Variants in SLC9A4 observed in about 807,000 individuals in gnomAD.
SLC9A4 encodes sodium/hydrogen exchanger 4.
A neutral mutation model predicts 67.4 loss-of-function variants in SLC9A4; 63 were observed. That is an observed-to-expected ratio of 0.93 (90% CI 0.76 to 1.15). The LOEUF (loss-of-function observed/expected upper bound fraction) is 1.15. Ranked by LOEUF, SLC9A4 falls within the 50% of genes most tolerant of loss-of-function variation. The pLI, the probability that SLC9A4 is intolerant of heterozygous loss-of-function variation, is 0.00. For missense variants in SLC9A4, 1,089 were observed against 987.7 expected (o/e 1.10, Z -1.38); for synonymous variants, 393 against 367.2 (o/e 1.07, Z -0.80).
intron 2 of SLC9A4, among the ~76,000 whole-genome samples, chr2:102,499,401 C>G (rs17772203): frequency 0.067 from 10,177 of 152,242 alleles, 400 homozygotes; most frequent in Middle Eastern, 0.15. Flanking sequence ...TCTTTTGTTT[C>G]TGGACAATTT....
intron 9 of SLC9A4, among the ~76,000 whole-genome samples, chr2:102,522,196 C>T (rs191824232): frequency 4.6e-5 from 7 of 152,272 alleles, no homozygotes; most frequent in Admixed American, 3.3e-4. Context: ...GGGTGATTCC[C>T]GAGTAGCCTG....
intron 9 of SLC9A4, among the ~76,000 whole-genome samples, chr2:102,524,472 T>C (rs932801380): frequency 2.6e-5 from 4 of 151,858 alleles, no homozygotes; most frequent in African/African-American, 9.7e-5. Context: ...TGAAGGACTG[T>C]TTTTTTTAAA....
At chr2:102,487,160 ACTT>A (rs1684605241) in intron 2 of SLC9A4, among the ~76,000 whole-genome samples, 1 of 146,566 alleles carries the variant, frequency 6.8e-6, no homozygotes, top group South Asian at 2.1e-4. Flanking sequence ...TTCACGGTGA[ACTT>A]CTCAGCTCAC....
At position 102,532,557 on chromosome 2, in the gene SLC9A4, G is replaced by A. The variant is rs757465774; in HGVS notation, c.2266G>A (p.Glu756Lys). The A allele has an allele frequency of 6.2e-7, 1 of 1,614,080 alleles. No homozygotes were observed. The highest frequency in any genetic ancestry group is 8.5e-7 in the Non-Finnish European group (1 of 1,179,966). ...CAAACCTCTGTTTCATGCAGTGGAT[G>A]AGGAGGGTGAGTCTGGAGGGGAGAG... The part of the protein sequence containing the change: ...RPKPLFHAVD[E>K]EGESGGESEG... The change falls in exon 12 of 12, where the codon GAG becomes AAG. Residue 756 changes from glutamate to lysine, a missense_variant. Coordinates refer to ENST00000295269, the MANE Select transcript of SLC9A4 (RefSeq NM_001011552.4).
At position 102,532,850 on chromosome 2, in the gene SLC9A4, G is replaced by C. The variant is rs1042847112; in HGVS notation, c.*162G>C. 5.6e-6 allele frequency: 4 copies of C among 716,532 alleles called. No homozygotes were observed. In the African/African-American group the frequency reaches 7.1e-5, roughly 13 times the overall value. The allele number at this position is 716,532 out of a possible 1,614,324, so 44.4% of individuals were successfully genotyped here. A position where few individuals can be genotyped will look rare whatever the true frequency, so the allele number is the denominator to read the frequency against. Reference sequence around the variant, plus strand: ...GCAGGAAGATTTTTTCCAAGGACTGGGAGCAAACTTGCAGGCTCTGCCATG... The same window carrying C: ...GCAGGAAGATTTTTTCCAAGGACTGCGAGCAAACTTGCAGGCTCTGCCATG... On this transcript the variant is annotated 3_prime_UTR_variant, in exon 12 of 12. Transcript: ENST00000295269.
At chr2:102,477,323 C>A (rs1390970053) in intron 1 of SLC9A4, among the ~76,000 whole-genome samples, 5 of 152,218 alleles carry the variant, frequency 3.3e-5, no homozygotes, top group African/African-American at 1.2e-4. Context: ...TAAAATTTCT[C>A]CCATTCTGTC....
At chr2:102,527,932 G>A (rs3849365) in intron 11 of SLC9A4, among the ~76,000 whole-genome samples, 97,501 of 151,916 alleles carry the variant, frequency 0.64, 31,435 homozygotes, top group Middle Eastern at 0.72. Flanking sequence ...CTATTTGGTT[G>A]TTGATTTTCT....
At chr2:102,505,602 C>G in intron 4 of SLC9A4, 131 bp downstream of exon 4, 2 of 800,484 alleles carry the variant, frequency 2.5e-6, no homozygotes, top group Non-Finnish European at 1.9e-6. Flanking sequence ...AGACTAGGAA[C>G]CTGGTCGTGA....
chr2:102,477,906 A>G (rs1684367196), intron 1 of SLC9A4, among the ~76,000 whole-genome samples: 2 of 152,208 alleles, frequency 1.3e-5, no homozygotes, highest in Admixed American at 6.5e-5. Context: ...ACCCTTCATT[A>G]TATACTTACA....
intron 2 of SLC9A4, among the ~76,000 whole-genome samples, chr2:102,483,362 A>T (rs1289001748): frequency 6.6e-6 from 1 of 152,140 alleles, no homozygotes; most frequent in Non-Finnish European, 1.5e-5. Context: ...ATTTTGAGCT[A>T]AGGGCCTTGA....
At position 102,505,382 on chromosome 2, in the gene SLC9A4, T is replaced by A. The variant is rs141406392; in HGVS notation, c.1109T>A (p.Met370Lys). Residue 370 changes from methionine to lysine, a missense_variant, in exon 4 of 12, where the codon ATG becomes AAG. Coordinates refer to ENST00000295269, the MANE Select transcript of SLC9A4 (RefSeq NM_001011552.4). ...SVSETLIFIFMGVSTVGKNHE... is the reference protein window; with the variant it reads ...SVSETLIFIFKGVSTVGKNHE... ...AGCGAGACCTTGATCTTCATCTTCATGGGTGTGTCCACTGTGGGCAAGAAT... is the reference window on the plus strand; with the variant it reads ...AGCGAGACCTTGATCTTCATCTTCAAGGGTGTGTCCACTGTGGGCAAGAAT... The A allele has an allele frequency of 5.6e-6, 9 of 1,614,252 alleles. No homozygotes were observed. Among genetic ancestry groups the A allele is most frequent in the Admixed American group, 3.3e-5 (2 of 60,032 alleles).
intron 11 of SLC9A4, among the ~76,000 whole-genome samples, chr2:102,528,225 C>A (rs1489934056): frequency 1.3e-5 from 2 of 152,114 alleles, no homozygotes; most frequent in East Asian, 3.9e-4. Context: ...CCAGGCTAGT[C>A]TTGAACTCCT....
intron 7 of SLC9A4, 109 bp downstream of exon 7, chr2:102,512,382 C>T: frequency 2.5e-6 from 3 of 1,179,642 alleles, no homozygotes; most frequent in Admixed American, 4.1e-5. Context: ...AGATAAAGTG[C>T]TCCTGAGCCA....
chr2:102,502,440 T>C lies in SLC9A4; in HGVS notation c.721-1008T>C, dbSNP rs1558665676. Among the ~76,000 whole-genome samples the C allele has an allele frequency of 2.0e-5, 3 of 152,224 alleles. No homozygotes were observed. The Middle Eastern group carries it at 0.01, about 518-fold the overall frequency. ...CAATCAGGTAAGATACACCACATGATAGGTTAAATAAAAAATGTGAATGCA... is the reference window on the plus strand; with the variant it reads ...CAATCAGGTAAGATACACCACATGACAGGTTAAATAAAAAATGTGAATGCA... On this transcript the variant is annotated intron_variant, in intron 2 of 11. Transcript: ENST00000295269.
At chr2:102,490,286 G>A (rs946494683) in intron 2 of SLC9A4, among the ~76,000 whole-genome samples, 2 of 152,160 alleles carry the variant, frequency 1.3e-5, no homozygotes, top group African/African-American at 2.4e-5. Context: ...GCAGAGATTG[G>A]GGGGCTGAAA....
At chr2:102,525,990 C>T (rs1452461263) in intron 10 of SLC9A4, among the ~76,000 whole-genome samples, 3 of 152,098 alleles carry the variant, frequency 2.0e-5, no homozygotes, top group South Asian at 2.1e-4. Flanking sequence ...CGGGTTCATG[C>T]GATTCTCCTG....
rs2104412881 is a variant in SLC9A4, at chr2:102,478,987, G to A, written c.405G>A (p.Leu135=). ...CCAGCATCTACTTCCTGTATCTCCT[G>A]CCACCCATCGTTCTGGAGGGCGGCT... ...MDSSIYFLYL[L]PPIVLEGGYF... The change falls in exon 2 of 12, where the codon CTG becomes CTA. Residue 135 remains leucine, a synonymous_variant. Transcript: ENST00000295269. The A allele has an allele frequency of 6.2e-7, 1 of 1,614,134 alleles. No individual in the cohort carries two copies. The highest frequency in any genetic ancestry group is 2.2e-5 in the East Asian group (1 of 44,864).
Position 102,531,771 on chromosome 2 carries a change from A to G in SLC9A4, c.2039-559A>G, listed in dbSNP as rs1051245621. On this transcript the variant is annotated intron_variant, in intron 11 of 11. Coordinates refer to ENST00000295269, the MANE Select transcript of SLC9A4 (RefSeq NM_001011552.4). The stretch of plus-strand genomic sequence containing the variant: ...CATCAAGTGCCATTCACAGTCTGTC[A>G]CCTGCTTAGTCCTCTGAAAGGAGGG... 2.0e-5 allele frequency among the ~76,000 whole-genome samples: 3 copies of G among 152,290 alleles called. No homozygotes were observed. The East Asian group carries it at 5.8e-4, about 29-fold the overall frequency.
Position 102,479,157 on chromosome 2 carries a change from A to T in SLC9A4, c.575A>T (p.Asn192Ile), listed in dbSNP as rs779300185. ...AAGGCCTTTGGCCTGGGCGACGTCA[A>T]CCTGCTGCAGAACCTGCTGTTCGGC... Reference protein sequence around the residue: ...QVKAFGLGDVNLLQNLLFGSL... With the variant: ...QVKAFGLGDVILLQNLLFGSL... The change falls in exon 2 of 12, where the codon AAC (asparagine) becomes ATC (isoleucine). Residue 192 changes from asparagine to isoleucine, a missense_variant. Asn to Ile is a moderately radical substitution (Grantham distance 149, BLOSUM62 -3). Transcript: ENST00000295269. 26 of 1,614,018 alleles carry T rather than the reference A, an allele frequency of 1.6e-5. No homozygotes were observed. Among genetic ancestry groups the T allele is most frequent in the Non-Finnish European group, 7.6e-6 (9 of 1,180,010 alleles).
Sources: gnomAD v4.1 joint callset for allele counts (sites outside exome capture counted in the v4.1 genomes callset) on GRCh38, gnomAD v4.1.1 for gene constraint, MANE v1.5 for transcripts, NCBI Gene and HGNC (gene_info 2026-07-23, HGNC 2026-07-21) for gene names.